CCDC60: variants seen among roughly 807,000 people sequenced by gnomAD.
The protein encoded by CCDC60 is coiled-coil domain containing 60.
A neutral mutation model predicts 63.5 loss-of-function variants in CCDC60; 54 were observed. The ratio of observed to expected loss-of-function variants is 0.85; its 90% CI spans 0.68 to 1.07. The LOEUF (loss-of-function observed/expected upper bound fraction) is 1.07, where lower values mean the gene tolerates loss of function less well. Among genes scored for constraint, CCDC60 ranks in the 50% least tolerant of loss-of-function variants. The pLI is 0.00. For synonymous variants in CCDC60, 206 were observed against 238.8 expected, an observed-to-expected ratio of 0.86 and a Z score of 1.27; for missense variants, 651 against 684.3, an observed-to-expected ratio of 0.95 and a Z score of 0.54.
intron 1 of CCDC60, among the ~76,000 whole-genome samples, chr12:119,401,119 A>C (rs982955511): frequency 6.6e-6 from 1 of 152,210 alleles, no homozygotes; most frequent in Non-Finnish European, 1.5e-5. Context: ...GACATTATCA[A>C]CATTCTCAGA....
At chr12:119,356,788 T>C (rs900817570) in intron 1 of CCDC60, among the ~76,000 whole-genome samples, 1 of 152,246 alleles carries the variant, frequency 6.6e-6, no homozygotes, top group African/African-American at 2.4e-5. Context: ...GTATCTTGCA[T>C]CAGGACCAAT....
intron 2 of CCDC60, among the ~76,000 whole-genome samples, chr12:119,451,859 T>C (rs1950640970): frequency 6.6e-6 from 1 of 152,188 alleles, no homozygotes; most frequent in South Asian, 2.1e-4. Context: ...TTGTGAATCA[T>C]GAGAAATGTT....
At chr12:119,492,227 A>C (rs1160807570) in intron 5 of CCDC60, among the ~76,000 whole-genome samples, 1 of 152,142 alleles carries the variant, frequency 6.6e-6, no homozygotes, top group East Asian at 1.9e-4. Flanking sequence ...ATGCTGGTAA[A>C]TGTTTTAACA....
intron 1 of CCDC60, among the ~76,000 whole-genome samples, chr12:119,339,585 G>C (rs1955510837): frequency 6.6e-6 from 1 of 151,990 alleles, no homozygotes; most frequent in Admixed American, 6.6e-5. Context: ...CCAGGAGTTT[G>C]AGACAAGCCT....
chr12:119,383,724 A>G (rs1484987331), intron 1 of CCDC60, among the ~76,000 whole-genome samples: 5 of 152,220 alleles, frequency 3.3e-5, no homozygotes, highest in African/African-American at 1.2e-4. Context: ...TAAAAACTTG[A>G]GCTGAATGAA....
At chr12:119,430,901 A>G (rs952741919) in intron 2 of CCDC60, among the ~76,000 whole-genome samples, 1 of 152,184 alleles carries the variant, frequency 6.6e-6, no homozygotes, top group Admixed American at 6.5e-5. Context: ...ATAAGAGTCA[A>G]TGCTGGGATG....
chr12:119,530,871 A>G lies in CCDC60; in HGVS notation c.1362-3A>G. 1 of 1,611,420 alleles carries G rather than the reference A, an allele frequency of 6.2e-7. No homozygotes were observed. The highest frequency in any genetic ancestry group is 8.5e-7 in the Non-Finnish European group (1 of 1,178,574). ...AACTTGTCCTCTCCTTTTGGAATTG[A>G]AGGTACTTTGATCTGTTGTCCAAAC... On this transcript the variant is annotated splice_polypyrimidine_tract_variant and splice_region_variant and intron_variant, in intron 12 of 13. Transcript: ENST00000327554.
intron 2 of CCDC60, among the ~76,000 whole-genome samples, chr12:119,434,137 T>C (rs1350265702): frequency 6.6e-6 from 1 of 152,188 alleles, no homozygotes; most frequent in African/African-American, 2.4e-5. Flanking sequence ...TTATCCACTC[T>C]CCCCTACCCC....
At chr12:119,527,673 T>C (rs1952720075) in intron 11 of CCDC60, among the ~76,000 whole-genome samples, 1 of 127,894 alleles carries the variant, frequency 7.8e-6, no homozygotes, top group African/African-American at 3.0e-5. Flanking sequence ...TTTCTTTTTT[T>C]TTTTTTTTTT....
At chr12:119,412,687 A>G (rs1956624325) in intron 1 of CCDC60, among the ~76,000 whole-genome samples, 1 of 152,152 alleles carries the variant, frequency 6.6e-6, no homozygotes, top group Admixed American at 6.5e-5. Context: ...TCTTAATCAG[A>G]AAATAGAGAT....
intron 1 of CCDC60, among the ~76,000 whole-genome samples, chr12:119,346,076 C>T (rs531580741): frequency 2.7e-5 from 4 of 150,870 alleles, no homozygotes; most frequent in South Asian, 4.2e-4. Flanking sequence ...CTACCCACCT[C>T]GGCCTCCCAA....
At chr12:119,487,384 G>A (rs913023751) in intron 4 of CCDC60, among the ~76,000 whole-genome samples, 5 of 149,160 alleles carry the variant, frequency 3.4e-5, no homozygotes, top group African/African-American at 1.2e-4. Flanking sequence ...TGCCACCTCC[G>A]CCTCTCAGGC....
At chr12:119,443,579 AT>A (rs1950485633) in intron 2 of CCDC60, among the ~76,000 whole-genome samples, 4 of 152,204 alleles carry the variant, frequency 2.6e-5, no homozygotes, top group Non-Finnish European at 5.9e-5. Flanking sequence ...GATAATAATA[AT>A]AATAAAACAG....
At chr12:119,512,435 C>T (rs1303831277) in intron 7 of CCDC60, among the ~76,000 whole-genome samples, 1 of 152,212 alleles carries the variant, frequency 6.6e-6, no homozygotes, top group Non-Finnish European at 1.5e-5. Flanking sequence ...AAGGAACTCA[C>T]AGCCTGAGGA....
intron 2 of CCDC60, among the ~76,000 whole-genome samples, chr12:119,455,750 AGAAAG>A (rs1950717298): frequency 8.1e-6 from 1 of 124,076 alleles, no homozygotes; most frequent in African/African-American, 3.1e-5. Context: ...AAAGAAGGAA[AGAAAG>A]AAAAGAAAAG....
intron 6 of CCDC60, among the ~76,000 whole-genome samples, chr12:119,500,645 G>A (rs1451738422): frequency 1.3e-5 from 2 of 150,550 alleles, no homozygotes; most frequent in African/African-American, 2.4e-5. Context: ...CTTGAGCCCA[G>A]GAGTTTGAGA....
At chr12:119,459,252 G>A (rs1950810500) in intron 2 of CCDC60, among the ~76,000 whole-genome samples, 1 of 152,110 alleles carries the variant, frequency 6.6e-6, no homozygotes, top group African/African-American at 2.4e-5. Context: ...TGAATTACCC[G>A]AGGATCCTGT....
intron 1 of CCDC60, among the ~76,000 whole-genome samples, chr12:119,412,597 G>T (rs901764941): frequency 6.6e-6 from 1 of 152,178 alleles, no homozygotes; most frequent in Non-Finnish European, 1.5e-5. Flanking sequence ...AACAGGATAC[G>T]TTTAAACTTC....
At chr12:119,472,868 A>G (rs2136329661) in intron 3 of CCDC60, among the ~76,000 whole-genome samples, 1 of 152,246 alleles carries the variant, frequency 6.6e-6, no homozygotes, top group Admixed American at 6.5e-5. Flanking sequence ...AGTGTGAGCC[A>G]CCACGCCCGG....
Sources: allele counts gnomAD v4.1 joint callset (sites outside exome capture counted in the v4.1 genomes callset), GRCh38; gene constraint gnomAD v4.1.1; transcripts MANE v1.5; gene names NCBI Gene and HGNC (gene_info 2026-07-23, HGNC 2026-07-21).